The following AGBL1 variants were observed in gnomAD, a reference collection of about 807,000 sequenced individuals.
AGBL1 encodes the protein cytosolic carboxypeptidase 4.
A neutral mutation model predicts 118.9 loss-of-function variants in AGBL1; 130 were observed. The observed-to-expected ratio is 1.09, with a 90% confidence interval of 0.95 to 1.26. The LOEUF (loss-of-function observed/expected upper bound fraction) is 1.26. Ranked by LOEUF, AGBL1 falls within the 50% of genes most tolerant of loss-of-function variation. AGBL1 has a pLI of 0.00. For missense variants in AGBL1, 1,584 were observed against 1,298.1 expected (o/e 1.22, Z -3.38); for synonymous variants, 555 against 478.9 (o/e 1.16, Z -2.08).
intron 22 of AGBL1, among the ~76,000 whole-genome samples, chr15:86,722,678 G>T (rs1419866419): frequency 1.3e-5 from 2 of 152,196 alleles, no homozygotes; most frequent in South Asian, 4.1e-4. Flanking sequence ...AAACTAAAGA[G>T]CTTCTGCACA....
At chr15:86,974,577 AATATATAAAAATTAT>A (rs1402072799) in intron 23 of AGBL1, among the ~76,000 whole-genome samples, 3 of 139,264 alleles carry the variant, frequency 2.2e-5, no homozygotes, top group African/African-American at 8.4e-5. Context: ...ATATATATTA[AATATATAAAAATTAT>A]ATATAATTAT....
intron 22 of AGBL1, among the ~76,000 whole-genome samples, chr15:86,745,094 T>C (rs935004495): frequency 1.3e-5 from 2 of 152,096 alleles, no homozygotes; most frequent in Non-Finnish European, 2.9e-5. Context: ...CCATTTCTTA[T>C]ATATGTAGCA....
At chr15:86,395,446 G>A (rs2081348628) in intron 17 of AGBL1, among the ~76,000 whole-genome samples, 2 of 151,908 alleles carry the variant, frequency 1.3e-5, no homozygotes, top group Admixed American at 6.6e-5. Context: ...ATCTATTTTG[G>A]TGTTTTGTAT....
intron 18 of AGBL1, among the ~76,000 whole-genome samples, chr15:86,488,187 A>T (rs1347802642): frequency 6.6e-6 from 1 of 152,064 alleles, no homozygotes; most frequent in Admixed American, 6.6e-5. Context: ...ATGTATAAAA[A>T]TGATAAAATG....
chr15:86,975,398 C>T (rs932528532), intron 23 of AGBL1, among the ~76,000 whole-genome samples: 10 of 151,870 alleles, frequency 6.6e-5, no homozygotes, highest in Non-Finnish European at 1.2e-4. Context: ...CAGAAGAGCA[C>T]GAGAAAGAGA....
At chr15:86,819,285 G>T (rs1287533483) in intron 22 of AGBL1, among the ~76,000 whole-genome samples, 1 of 152,048 alleles carries the variant, frequency 6.6e-6, no homozygotes, top group African/African-American at 2.4e-5. Context: ...GTAATAGAAG[G>T]AGGTACACAA....
intron 22 of AGBL1, among the ~76,000 whole-genome samples, chr15:86,838,886 A>G (rs756570056): frequency 2.6e-4 from 37 of 142,588 alleles, no homozygotes; most frequent in Admixed American, 1.5e-3. Flanking sequence ...CAAGTGTTCA[A>G]TGAGCTAGAG....
At chr15:86,114,938 G>A (rs1000619389) in intron 1 of AGBL1, among the ~76,000 whole-genome samples, 2 of 152,170 alleles carry the variant, frequency 1.3e-5, no homozygotes, top group Non-Finnish European at 2.9e-5. Context: ...TCTTTTGTTA[G>A]AATGTCTTTA....
chr15:86,652,538 T>C (rs185755779), intron 21 of AGBL1, among the ~76,000 whole-genome samples: 58 of 152,302 alleles, frequency 3.8e-4, no homozygotes, highest in African/African-American at 1.3e-3. Context: ...TTCATAGTTA[T>C]GTAGATACCT....
chr15:86,262,556 A>G, intron 9 of AGBL1: 1 of 593,716 alleles, frequency 1.7e-6, no homozygotes, highest in Non-Finnish European at 3.1e-6. Context: ...GAAGGCTGAT[A>G]AATACTGACA....
At chr15:86,524,223 A>G (rs1419061897) in intron 19 of AGBL1, among the ~76,000 whole-genome samples, 1 of 152,206 alleles carries the variant, frequency 6.6e-6, no homozygotes, top group African/African-American at 2.4e-5. Flanking sequence ...CTACCCTGCA[A>G]CATAGCCTCT....
chr15:86,302,689 G>C lies in AGBL1; in HGVS notation c.2374+7281G>C, dbSNP rs148138067. On this transcript the variant is annotated intron_variant, in intron 17 of 22. Transcript: ENST00000614907. Reference sequence around the variant, plus strand: ...AGCTACTTAGGTGGCTGAGGTAGGAGAATTGCTTGATCCCAGGAGGTGGAG... The same window carrying C: ...AGCTACTTAGGTGGCTGAGGTAGGACAATTGCTTGATCCCAGGAGGTGGAG... Among the ~76,000 whole-genome samples, 88 of 148,492 alleles carry C rather than the reference G, an allele frequency of 5.9e-4. No individual in the cohort carries two copies. In the East Asian group the frequency reaches 0.014, roughly 23 times the overall value.
chr15:86,227,463 G>C (rs1597588306), intron 6 of AGBL1, among the ~76,000 whole-genome samples: 1 of 152,388 alleles, frequency 6.6e-6, no homozygotes, highest in South Asian at 2.1e-4. Context: ...GTTAGAGTCT[G>C]TTCTGTGCAT....
intron 22 of AGBL1, among the ~76,000 whole-genome samples, chr15:86,770,617 G>GGA (rs1251779211): frequency 2.0e-5 from 3 of 151,962 alleles, no homozygotes; most frequent in Non-Finnish European, 4.4e-5. Context: ...GTTGGTCAGA[G>GGA]GAGACGTACC....
At chr15:86,614,361 TG>T (rs1442498572) in intron 21 of AGBL1, among the ~76,000 whole-genome samples, 2 of 152,030 alleles carry the variant, frequency 1.3e-5, no homozygotes, top group African/African-American at 4.8e-5. Context: ...ACCCAATACC[TG>T]GAATACTCCA....
intron 1 of AGBL1, among the ~76,000 whole-genome samples, chr15:86,106,614 A>G (rs1360191059): frequency 6.6e-6 from 1 of 152,220 alleles, no homozygotes; most frequent in East Asian, 1.9e-4. Flanking sequence ...CTTAAAATGG[A>G]CAGAACACTT....
intron 23 of AGBL1, among the ~76,000 whole-genome samples, chr15:86,986,341 C>A (rs890850083): frequency 6.6e-6 from 1 of 152,162 alleles, no homozygotes; most frequent in Non-Finnish European, 1.5e-5. Flanking sequence ...TATTTCTGGA[C>A]TCCTAGCTTG....
intron 22 of AGBL1, among the ~76,000 whole-genome samples, chr15:86,740,896 G>A (rs2077668553): frequency 6.6e-6 from 1 of 152,124 alleles, no homozygotes; most frequent in Admixed American, 6.6e-5. Flanking sequence ...AATGCCGCAG[G>A]ATCCAGAGGT....
chr15:86,958,399 T>C, intron 23 of AGBL1, among the ~76,000 whole-genome samples: 1 of 152,010 alleles, frequency 6.6e-6, no homozygotes, highest in East Asian at 1.9e-4. Context: ...AGAGTTAAAT[T>C]AATTAAAACC....
Sources: gnomAD v4.1 joint callset for allele counts (sites outside exome capture counted in the v4.1 genomes callset) on GRCh38, gnomAD v4.1.1 for gene constraint, MANE v1.5 for transcripts, NCBI Gene and HGNC (gene_info 2026-07-23, HGNC 2026-07-21) for gene names.